The following SLCO1A2 variants were observed in gnomAD, a reference collection of about 807,000 sequenced individuals.
SLCO1A2 encodes the protein OATP-1.
Under a neutral mutation model 69.0 loss-of-function variants are expected in SLCO1A2, and 67 were observed. The ratio of observed to expected loss-of-function variants is 0.97; its 90% CI spans 0.80 to 1.19. The LOEUF is 1.19. Among genes scored for constraint, SLCO1A2 ranks in the 50% most tolerant of loss-of-function variants. SLCO1A2 has a pLI of 0.00. For missense variants in SLCO1A2, 787 were observed against 793.7 expected, an observed-to-expected ratio of 0.99 and a Z score of 0.10; for synonymous variants, 260 against 265.9, an observed-to-expected ratio of 0.98 and a Z score of 0.22.
At chr12:21,315,695 C>T (rs146751662) in intron 3 of SLCO1A2, among the ~76,000 whole-genome samples, 3,355 of 152,252 alleles carry the variant, frequency 0.022, 56 homozygotes, top group Non-Finnish European at 0.034. Context: ...GAGCGCCCCA[C>T]CGCAATAACT....
At chr12:21,376,402 A>G (rs1246108839) in intron 1 of SLCO1A2, 1 of 286,860 alleles carries the variant, frequency 3.5e-6, no homozygotes, top group East Asian at 1.1e-4. Flanking sequence ...GTATGAAATT[A>G]CTAGTTCAAT....
At chr12:21,364,228 C>A (rs1212271043) in intron 2 of SLCO1A2, among the ~76,000 whole-genome samples, 5 of 152,186 alleles carry the variant, frequency 3.3e-5, no homozygotes, top group African/African-American at 1.2e-4. Context: ...CCCTGGGATG[C>A]AAGGCTGGTT....
intron 10 of SLCO1A2, chr12:21,294,921 T>A (rs1591805027): frequency 6.6e-6 from 1 of 152,176 alleles, no homozygotes; most frequent in South Asian, 2.1e-4. Flanking sequence ...TTCAATCTAA[T>A]AAACCTTGAT....
intron 2 of SLCO1A2, among the ~76,000 whole-genome samples, chr12:21,328,009 G>A (rs1034055852): frequency 1.3e-5 from 2 of 152,100 alleles, no homozygotes; most frequent in African/African-American, 4.8e-5. Context: ...AAACATGGGG[G>A]TGAGTTTTTC....
At chr12:21,372,252 A>T (rs1939854173) in intron 2 of SLCO1A2, among the ~76,000 whole-genome samples, 1 of 152,150 alleles carries the variant, frequency 6.6e-6, no homozygotes, top group Non-Finnish European at 1.5e-5. Context: ...ATACCTATGG[A>T]TCTCTATCTA....
intron 3 of SLCO1A2, among the ~76,000 whole-genome samples, chr12:21,317,803 C>G (rs749594075): frequency 6.6e-6 from 1 of 152,138 alleles, no homozygotes; most frequent in Non-Finnish European, 1.5e-5. Flanking sequence ...TATTATAAAA[C>G]TAGAAAGGAG....
intron 2 of SLCO1A2, among the ~76,000 whole-genome samples, chr12:21,332,177 T>C (rs1433542341): frequency 6.6e-6 from 1 of 152,146 alleles, no homozygotes; most frequent in Non-Finnish European, 1.5e-5. Context: ...CTTGCTCTTA[T>C]ATATTTTAGG....
chr12:21,416,109 CTTTAA>C (rs1941983910), intron 1 of SLCO1A2, among the ~76,000 whole-genome samples: 1 of 151,868 alleles, frequency 6.6e-6, no homozygotes, highest in Non-Finnish European at 1.5e-5. Flanking sequence ...ATGTTTATTA[CTTTAA>C]TTTTTTATAA....
intron 2 of SLCO1A2, among the ~76,000 whole-genome samples, chr12:21,325,678 C>T (rs561344478): frequency 6.6e-6 from 1 of 152,256 alleles, no homozygotes; most frequent in East Asian, 1.9e-4. Flanking sequence ...GTCCACTCAA[C>T]CCTTGATAGT....
At chr12:21,276,135 TGTGTA>T (rs1455993510) in intron 12 of SLCO1A2, among the ~76,000 whole-genome samples, 6 of 151,982 alleles carry the variant, frequency 3.9e-5, no homozygotes, top group Admixed American at 3.9e-4. Flanking sequence ...AAGTCTCAGA[TGTGTA>T]AGGTTTGGAA....
At chr12:21,405,931 C>G (rs1941816874) in intron 1 of SLCO1A2, among the ~76,000 whole-genome samples, 1 of 152,162 alleles carries the variant, frequency 6.6e-6, no homozygotes, top group Admixed American at 6.5e-5. Flanking sequence ...ATCATAGCAC[C>G]TACCTCAAAG....
At chr12:21,288,234 G>A (rs981685203) in intron 12 of SLCO1A2, among the ~76,000 whole-genome samples, 8 of 152,048 alleles carry the variant, frequency 5.3e-5, no homozygotes, top group South Asian at 2.1e-4. Context: ...CTGAGATCAG[G>A]ACTTCAAGAC....
At chr12:21,286,868 A>C (rs1247834802) in intron 12 of SLCO1A2, among the ~76,000 whole-genome samples, 28 of 151,226 alleles carry the variant, frequency 1.9e-4, no homozygotes, top group Admixed American at 1.4e-3. Flanking sequence ...TTCAAGATGG[A>C]TTAAAGATTT....
intron 12 of SLCO1A2, among the ~76,000 whole-genome samples, chr12:21,285,309 A>G (rs1240373289): frequency 6.6e-6 from 1 of 152,176 alleles, no homozygotes; most frequent in Non-Finnish European, 1.5e-5. Context: ...CTAAACAAGG[A>G]AGAAGTTGAA....
chr12:21,355,955 G>A (rs1204363390), intron 2 of SLCO1A2, among the ~76,000 whole-genome samples: 1 of 152,026 alleles, frequency 6.6e-6, no homozygotes, highest in African/African-American at 2.4e-5. Context: ...TATTGAATGA[G>A]TAACAGCATA....
chr12:21,363,747 T>TA (rs1939134661), intron 2 of SLCO1A2, among the ~76,000 whole-genome samples: 1 of 152,076 alleles, frequency 6.6e-6, no homozygotes. Context: ...TACAAACTAC[T>TA]ATCAGAGAAT....
chr12:21,318,267 C>T (rs149442956), intron 3 of SLCO1A2, among the ~76,000 whole-genome samples: 501 of 152,090 alleles, frequency 3.3e-3, no homozygotes, highest in African/African-American at 0.011. Context: ...TACAGGCGCC[C>T]GCCACCATAC....
At chr12:21,314,509 GA>G in intron 4 of SLCO1A2, 39 bp downstream of exon 4, 2 of 1,611,544 alleles carry the variant, frequency 1.2e-6, no homozygotes, top group Non-Finnish European at 1.7e-6. Context: ...TCCTGCAAGT[GA>G]AATTTGACCA....
chr12:21,340,088 A>G (rs1261192944), intron 2 of SLCO1A2, among the ~76,000 whole-genome samples: 4 of 152,038 alleles, frequency 2.6e-5, no homozygotes, highest in Non-Finnish European at 4.4e-5. Context: ...AAAAAAATTC[A>G]GGAGATTTAC....
Sources: allele counts gnomAD v4.1 joint callset (sites outside exome capture counted in the v4.1 genomes callset), GRCh38; gene constraint gnomAD v4.1.1; transcripts MANE v1.5; gene names NCBI Gene and HGNC (gene_info 2026-07-23, HGNC 2026-07-21).